Variants in ATG3 observed in about 807,000 individuals in gnomAD.
The protein encoded by ATG3 is autophagy related 3.
Under a neutral mutation model 50.7 loss-of-function variants are expected in ATG3, and 25 were observed. The observed-to-expected ratio is 0.49, with a 90% CI of 0.36 to 0.69. The LOEUF is 0.69. Ranked by LOEUF, ATG3 falls within the 30% of genes least tolerant of loss-of-function variation. The pLI, the probability that ATG3 is intolerant of heterozygous loss-of-function variation, is 0.00. For missense variants in ATG3, 281 were observed against 376.0 expected (o/e 0.75, Z 2.09); for synonymous variants, 119 against 125.5 (o/e 0.95, Z 0.34).
intron 4 of ATG3, among the ~76,000 whole-genome samples, chr3:112,549,607 G>A (rs1375460531): frequency 2.6e-5 from 4 of 151,948 alleles, no homozygotes; most frequent in East Asian, 1.9e-4. Context: ...TCAGGAGGTC[G>A]AGACCAGCCT....
At chr3:112,539,422 T>C (rs1933165778) in intron 7 of ATG3, among the ~76,000 whole-genome samples, 1 of 152,200 alleles carries the variant, frequency 6.6e-6, no homozygotes, top group African/African-American at 2.4e-5. Context: ...ACCTTTGCAC[T>C]CTTCCCTCAA....
At chr3:112,539,620 T>G (rs1933171787) in intron 7 of ATG3, among the ~76,000 whole-genome samples, 1 of 152,108 alleles carries the variant, frequency 6.6e-6, no homozygotes, top group Admixed American at 6.5e-5. Flanking sequence ...GCTTATCTAT[T>G]TTTTGTCTCC....
chr3:112,561,399 G>C (rs1276672125), intron 1 of ATG3, 58 bp downstream of exon 1: 1 of 1,560,608 alleles, frequency 6.4e-7, no homozygotes, highest in East Asian at 2.2e-5. Context: ...TGCGGCGCCT[G>C]GTCCCTGAAA....
rs773205906 is a variant in ATG3 at position 112,541,837 on chromosome 3, T to A, written c.441A>T (p.Glu147Asp). 6.2e-7 allele frequency: 1 copy of A among 1,612,564 alleles called. No individual in the cohort carries two copies. Among genetic ancestry groups the A allele is most frequent in the Non-Finnish European group, 8.5e-7 (1 of 1,179,756 alleles). ...CTGCAGCTTCTCCTTCATCTTCATC[T>A]TCTTCCTCTTCACATAGTGCTGAGC... ...QDCSALCEEEEDEDEGEAADM... is the reference protein window; with the variant it reads ...QDCSALCEEEDDEDEGEAADM... Residue 147 changes from glutamate to aspartate, a missense_variant, in exon 7 of 12, where the codon GAA (glutamate) becomes GAT (aspartate). By Grantham distance (45) the Glu-to-Asp change is conservative. Transcript: ENST00000283290.
At chr3:112,552,602 A>C (rs553898530) in intron 3 of ATG3, among the ~76,000 whole-genome samples, 3 of 150,626 alleles carry the variant, frequency 2.0e-5, no homozygotes, top group Admixed American at 1.3e-4. Flanking sequence ...TGCCACAAAC[A>C]TGTTCAGTAA....
intron 11 of ATG3, 191 bp from the exon 12 acceptor site, chr3:112,532,971 A>C (rs1462299356): frequency 3.2e-6 from 4 of 1,235,532 alleles, no homozygotes; most frequent in Non-Finnish European, 4.1e-6. Flanking sequence ...AGACTACCTG[A>C]CCACTCATTC....
intron 7 of ATG3, 25 bp from the exon 8 acceptor site, chr3:112,538,205 T>C (rs766678587): frequency 1.3e-6 from 2 of 1,542,410 alleles, no homozygotes; most frequent in South Asian, 2.4e-5. Flanking sequence ...CAACAAAAGA[T>C]TAATCAAGTT....
In ATG3 at chr3:112,532,525, T is replaced by G. The variant is rs1362574072; in HGVS notation, c.*174A>C. 1 of 416,114 alleles carries G rather than the reference T, an allele frequency of 2.4e-6. No homozygotes were observed. Among genetic ancestry groups the G allele is most frequent in the East Asian group, 3.9e-5 (1 of 25,356 alleles). The allele number at this position is 416,114 out of a possible 1,614,324, so 25.8% of individuals were successfully genotyped here. ...CAAGAAAAACTCTCTTTGCACTGATTTTTATTAAACAAGTAAGGCTGGTAG... is the reference window on the plus strand; with the variant it reads ...CAAGAAAAACTCTCTTTGCACTGATGTTTATTAAACAAGTAAGGCTGGTAG... On this transcript the variant is annotated 3_prime_UTR_variant, in exon 12 of 12. Transcript: ENST00000283290.
intron 11 of ATG3, chr3:112,533,584 C>T (rs1340745118): frequency 3.0e-6 from 3 of 985,156 alleles, no homozygotes; most frequent in Non-Finnish European, 2.4e-6. Context: ...GTAGCCGAAA[C>T]CACCACCAAG....
chr3:112,556,528 T>C (rs1933687880), intron 2 of ATG3, among the ~76,000 whole-genome samples: 2 of 151,966 alleles, frequency 1.3e-5, no homozygotes, highest in Admixed American at 6.6e-5. Context: ...GGAGGTGTAC[T>C]CAACAGCTCA....
chr3:112,544,093 T>C lies in ATG3; in HGVS notation c.357A>G (p.Ile119Met), dbSNP rs1454682762. 2 of 1,602,924 alleles carry C rather than the reference T, an allele frequency of 1.2e-6. No individual in the cohort carries two copies. The highest frequency in any genetic ancestry group is 1.7e-6 in the Non-Finnish European group (2 of 1,170,398). Residue 119 changes from isoleucine (I) to methionine (M), a missense_variant, in exon 6 of 12, where the codon ATA (isoleucine) becomes ATG (methionine). By Grantham distance (10) the Ile-to-Met change is conservative (BLOSUM62 1). Around this residue, in one of 3 missense-constraint regions of ATG3, gnomAD observed 242 missense variants for 305.0 expected, o/e 0.79. Coordinates refer to ENST00000283290, the MANE Select transcript of ATG3 (RefSeq NM_022488.5). ...DTYHNTGITG[I>M]TEAVKEITLE... Reference sequence around the variant, plus strand: ...GTGTGATCTCTTTAACGGCTTCCGTTATTCCTGTAATACCTATGTAAAATT... The same window carrying C: ...GTGTGATCTCTTTAACGGCTTCCGTCATTCCTGTAATACCTATGTAAAATT...
At chr3:112,553,800 T>A (rs971832) in intron 2 of ATG3, among the ~76,000 whole-genome samples, 148,718 of 152,278 alleles carry the variant, frequency 0.98, 72,646 homozygotes, top group Admixed American at 0.99. Context: ...ATTATATCAC[T>A]GGGCACACTT....
chr3:112,543,513 G>A (rs1476146280), intron 6 of ATG3, among the ~76,000 whole-genome samples: 1 of 152,046 alleles, frequency 6.6e-6, no homozygotes, highest in East Asian at 1.9e-4. Context: ...AATGATGCAA[G>A]CTAAAGTTTG....
At position 112,558,326 on chromosome 3, in the gene ATG3, T is replaced by A. The variant is rs748999301; in HGVS notation, c.114+50A>T. 2.9e-6 allele frequency: 4 copies of A among 1,383,372 alleles called. No individual in the cohort carries two copies. The South Asian group carries it at 5.1e-5, about 18-fold the overall frequency. The allele number at this position is 1,383,372 out of a possible 1,614,324, so 85.7% of individuals were successfully genotyped here. A position where few individuals can be genotyped will look rare whatever the true frequency, so the allele number is the denominator to read the frequency against. ...CTTATGAAGCAGAAAAGCCACCTAG[T>A]TTAGTATTATTGTAAAATAAAAAGA... is the stretch of plus-strand genomic sequence containing the variant. On this transcript the variant is annotated intron_variant, in intron 2 of 11. Transcript: ENST00000283290.
chr3:112,557,972 A>C (rs1933735176), intron 2 of ATG3, among the ~76,000 whole-genome samples: 1 of 152,224 alleles, frequency 6.6e-6, no homozygotes, highest in Admixed American at 6.5e-5. Flanking sequence ...TTAAGAGAAA[A>C]CAATATCTAA....
At chr3:112,558,101 C>G (rs1933738641) in intron 2 of ATG3, 1 of 399,008 alleles carries the variant, frequency 2.5e-6, no homozygotes, top group African/African-American at 2.1e-5. Flanking sequence ...CAATACAAGT[C>G]AAGGATAAGT....
intron 5 of ATG3, among the ~76,000 whole-genome samples, 157 bp downstream of exon 5, chr3:112,548,376 G>A (rs567170760): frequency 6.6e-6 from 1 of 152,074 alleles, no homozygotes; most frequent in African/African-American, 2.4e-5. Flanking sequence ...TACTCTAAAG[G>A]CTTCTTTTTT....
intron 1 of ATG3, among the ~76,000 whole-genome samples, chr3:112,559,576 T>C (rs1440253340): frequency 6.6e-6 from 1 of 152,114 alleles, no homozygotes; most frequent in Non-Finnish European, 1.5e-5. Context: ...TAAAATAGAA[T>C]GGTAAGAGAA....
chr3:112,535,416 A>G (rs148140743), intron 10 of ATG3: 2 of 152,202 alleles, frequency 1.3e-5, no homozygotes, highest in African/African-American at 4.8e-5. Context: ...ATTACCAGTT[A>G]TTTTTCCCCC....
Sources: allele counts gnomAD v4.1 joint callset (sites outside exome capture counted in the v4.1 genomes callset), GRCh38; gene constraint gnomAD v4.1.1; regional missense constraint gnomAD v4.1.1; transcripts MANE v1.5; gene names NCBI Gene and HGNC (gene_info 2026-07-23, HGNC 2026-07-21).